Variants in CSMD1 observed in about 807,000 individuals in gnomAD.
CSMD1 encodes CUB and Sushi multiple domains 1, also known as CUB and sushi domain-containing protein 1.
In CSMD1, 213 loss-of-function variants were observed where a neutral mutation model predicts 417.5. The ratio of observed to expected loss-of-function variants is 0.51; its 90% confidence interval spans 0.46 to 0.57. The LOEUF is 0.57. Ranked by LOEUF, CSMD1 falls within the 20% of genes least tolerant of loss-of-function variation. The pLI is 0.00. For synonymous variants in CSMD1, 2,862 were observed against 1,736.8 expected (o/e 1.65, Z -16.11); for missense variants, 6,923 against 4,529.7 (o/e 1.53, Z -15.17).
chr8:4,004,837 C>CTG (rs1815979700), intron 4 of CSMD1, among the ~76,000 whole-genome samples: 1 of 152,056 alleles, frequency 6.6e-6, no homozygotes, highest in South Asian at 2.1e-4. Context: ...CTCCGCCTCC[C>CTG]GGGTTCACGC....
intron 50 of CSMD1, among the ~76,000 whole-genome samples, chr8:3,045,437 T>A (rs1477619531): frequency 1.3e-5 from 2 of 152,228 alleles, no homozygotes; most frequent in African/African-American, 4.8e-5. Flanking sequence ...CCCTGTCATA[T>A]GTTTTACATA....
intron 3 of CSMD1, among the ~76,000 whole-genome samples, chr8:4,401,240 G>A (rs1233301038): frequency 6.6e-6 from 1 of 152,028 alleles, no homozygotes; most frequent in Non-Finnish European, 1.5e-5. Context: ...AGCATTGTAT[G>A]CTTATTTAAA....
chr8:3,094,233 G>A (rs2129009573), intron 47 of CSMD1, among the ~76,000 whole-genome samples: 1 of 152,226 alleles, frequency 6.6e-6, no homozygotes, highest in African/African-American at 2.4e-5. Flanking sequence ...AGGCTCCTGA[G>A]TAGCTGGGAT....
At chr8:4,640,714 C>T in intron 1 of CSMD1, among the ~76,000 whole-genome samples, 1 of 152,022 alleles carries the variant, frequency 6.6e-6, no homozygotes, top group Non-Finnish European at 1.5e-5. Context: ...CATATTTCAA[C>T]ATGTTGTTTA....
At chr8:3,089,870 T>C (rs990663474) in intron 48 of CSMD1, among the ~76,000 whole-genome samples, 1 of 152,144 alleles carries the variant, frequency 6.6e-6, no homozygotes, top group Admixed American at 6.5e-5. Context: ...TTGAAAGACG[T>C]AGAAATCATT....
At chr8:4,012,167 G>A (rs1466356944) in intron 4 of CSMD1, among the ~76,000 whole-genome samples, 1 of 152,104 alleles carries the variant, frequency 6.6e-6, no homozygotes, top group East Asian at 1.9e-4. Context: ...ACTGGATGCA[G>A]AACCCACCAG....
At position 3,814,777 on chromosome 8, in the gene CSMD1, C is replaced by T. The variant is rs571417739; in HGVS notation, c.819-60735G>A. ...GCATTTCCAATGGACTATTCTGCCA[C>T]GATTTTCTATTTATTCGTCACGGTG... On this transcript the variant is annotated intron_variant, in intron 5 of 69. Coordinates refer to ENST00000635120, the MANE Select transcript of CSMD1 (RefSeq NM_033225.6). 6.6e-5 allele frequency among the ~76,000 whole-genome samples: 10 copies of T among 152,218 alleles called. No homozygotes were observed. In the South Asian group the frequency reaches 1.2e-3, roughly 19 times the overall value.
intron 3 of CSMD1, among the ~76,000 whole-genome samples, chr8:4,414,350 C>T (rs1412824319): frequency 1.3e-5 from 2 of 152,134 alleles, no homozygotes; most frequent in South Asian, 2.1e-4. Context: ...TCTCTAGCAG[C>T]CCAGATTCAC....
At chr8:4,216,439 G>A (rs561083078) in intron 3 of CSMD1, among the ~76,000 whole-genome samples, 161 of 151,112 alleles carry the variant, frequency 1.1e-3, no homozygotes, top group Non-Finnish European at 1.7e-3. Flanking sequence ...AAGTTCCTAA[G>A]TAAGTAAGTA....
chr8:2,939,214 G>C (rs994868343), intron 69 of CSMD1, among the ~76,000 whole-genome samples: 2 of 152,158 alleles, frequency 1.3e-5, no homozygotes. Context: ...TAAGTTATAC[G>C]GCCTTGGTTA....
chr8:3,819,563 T>A (rs559454299), intron 5 of CSMD1, among the ~76,000 whole-genome samples: 1,308 of 107,030 alleles, frequency 0.012, 32 homozygotes, highest in African/African-American at 0.041. Context: ...CACACACACG[T>A]ATGTATATAA....
At chr8:3,876,302 G>A (rs557878470) in intron 5 of CSMD1, among the ~76,000 whole-genome samples, 2 of 152,208 alleles carry the variant, frequency 1.3e-5, no homozygotes, top group Non-Finnish European at 2.9e-5. Flanking sequence ...GAATTAGTAT[G>A]GGAAAAGGTG....
chr8:4,803,487 G>C (rs1270918226), intron 1 of CSMD1, among the ~76,000 whole-genome samples: 3 of 152,126 alleles, frequency 2.0e-5, no homozygotes, highest in East Asian at 1.9e-4. Context: ...GAAAGCCCTA[G>C]GTTGGAATCT....
intron 5 of CSMD1, among the ~76,000 whole-genome samples, chr8:3,846,524 G>C (rs534614597): frequency 6.6e-6 from 1 of 152,296 alleles, no homozygotes; most frequent in African/African-American, 2.4e-5. Flanking sequence ...TCACAGGAAT[G>C]GTGGGTGGAT....
intron 5 of CSMD1, among the ~76,000 whole-genome samples, chr8:3,874,492 T>C (rs1805684588): frequency 1.3e-5 from 2 of 152,210 alleles, no homozygotes; most frequent in Admixed American, 6.5e-5. Flanking sequence ...ACTTCTTTTA[T>C]GACGTTGCAT....
chr8:3,769,012 G>C (rs886880510), intron 5 of CSMD1, among the ~76,000 whole-genome samples: 7 of 152,240 alleles, frequency 4.6e-5, no homozygotes, highest in African/African-American at 1.4e-4. Flanking sequence ...AGCACACCTG[G>C]GGAGGGCGTT....
intron 3 of CSMD1, among the ~76,000 whole-genome samples, chr8:4,198,027 C>A (rs1377417722): frequency 6.6e-6 from 1 of 152,220 alleles, no homozygotes; most frequent in East Asian, 1.9e-4. Context: ...GGGGCACAGA[C>A]TGCAGCAATG....
At chr8:4,541,276 G>T (rs1797371916) in intron 2 of CSMD1, among the ~76,000 whole-genome samples, 1 of 152,142 alleles carries the variant, frequency 6.6e-6, no homozygotes, top group Non-Finnish European at 1.5e-5. Flanking sequence ...TCATCCCCAG[G>T]ATCTACTGGC....
chr8:4,684,803 A>C (rs1806268457), intron 1 of CSMD1, among the ~76,000 whole-genome samples: 1 of 152,228 alleles, frequency 6.6e-6, no homozygotes, highest in Non-Finnish European at 1.5e-5. Context: ...TATTGAGAAC[A>C]GTAAGTAAAA....
Sources: gnomAD v4.1 joint callset for allele counts (sites outside exome capture counted in the v4.1 genomes callset) on GRCh38, gnomAD v4.1.1 for gene constraint, MANE v1.5 for transcripts, NCBI Gene and HGNC (gene_info 2026-07-23, HGNC 2026-07-21) for gene names.